The following MED27 variants were observed in gnomAD, a reference collection of about 807,000 sequenced individuals.
MED27 encodes the protein mediator complex subunit 27, also known as mediator of RNA polymerase II transcription subunit 27.
Under a neutral mutation model 38.2 loss-of-function variants are expected in MED27, and 30 were observed. The ratio of observed to expected loss-of-function variants is 0.79; its 90% CI spans 0.59 to 1.07. The LOEUF is 1.07. MED27 is among the 50% of genes least tolerant of loss of function. MED27 has a pLI of 0.00. For synonymous variants in MED27, 122 were observed against 153.5 expected (o/e 0.79, Z 1.52); for missense variants, 289 against 397.5 (o/e 0.73, Z 2.32).
At chr9:131,947,161 A>C (rs1463720097) in intron 3 of MED27, among the ~76,000 whole-genome samples, 1 of 152,190 alleles carries the variant, frequency 6.6e-6, no homozygotes, top group East Asian at 1.9e-4. Context: ...TTAGGCCATT[A>C]TAAAACAACT....
chr9:131,908,031 C>T (rs865827584), intron 4 of MED27, among the ~76,000 whole-genome samples: 140 of 151,902 alleles, frequency 9.2e-4, no homozygotes, highest in African/African-American at 3.2e-3. Flanking sequence ...GCAGCCGCCC[C>T]GTCTGAGAAG....
intron 2 of MED27, among the ~76,000 whole-genome samples, chr9:132,065,177 G>A (rs1052622740): frequency 6.6e-6 from 1 of 152,142 alleles, no homozygotes; most frequent in African/African-American, 2.4e-5. Context: ...GCATATACAC[G>A]TTCAAAATCT....
chr9:131,939,299 C>T (rs1176291364), intron 4 of MED27, 82 bp downstream of exon 4: 2 of 785,024 alleles, frequency 2.5e-6, no homozygotes, highest in South Asian at 2.2e-5. Flanking sequence ...TTCTCTAGAT[C>T]CTACAACACA....
chr9:132,059,962 G>A (rs1418046523), intron 2 of MED27, among the ~76,000 whole-genome samples: 1 of 152,102 alleles, frequency 6.6e-6, no homozygotes, highest in African/African-American at 2.4e-5. Context: ...CTAGAAGGTA[G>A]GAACCATGAT....
At chr9:132,052,036 T>C (rs146774345) in intron 2 of MED27, among the ~76,000 whole-genome samples, 1 of 152,132 alleles carries the variant, frequency 6.6e-6, no homozygotes, top group Non-Finnish European at 1.5e-5. Flanking sequence ...ACTTGCCTCA[T>C]CCAGCCCAAG....
chr9:131,966,383 C>CAAAAAAAAAAA (rs749607968), intron 3 of MED27, among the ~76,000 whole-genome samples: 1,807 of 36,650 alleles, frequency 0.049, 298 homozygotes, highest in Non-Finnish European at 0.056. Context: ...GACCCTGTCA[C>CAAAAAAAAAAA]AAAAAAAAAA....
At chr9:131,884,170 A>G (rs1018456617) in intron 5 of MED27, 71 bp from the exon 6 acceptor site, 1 of 1,213,518 alleles carries the variant, frequency 8.2e-7, no homozygotes, top group Non-Finnish European at 1.2e-6. Context: ...TAATATTGTA[A>G]CTACTGTTAA....
intron 2 of MED27, among the ~76,000 whole-genome samples, chr9:132,050,385 C>T (rs1044113092): frequency 2.0e-5 from 3 of 152,166 alleles, no homozygotes; most frequent in Non-Finnish European, 2.9e-5. Flanking sequence ...AAGGAGGACG[C>T]TTGTCCACGG....
chr9:131,900,412 T>A (rs1048997327), intron 4 of MED27, among the ~76,000 whole-genome samples: 6 of 152,246 alleles, frequency 3.9e-5, no homozygotes, highest in Admixed American at 2.6e-4. Flanking sequence ...AAGTATTTAG[T>A]TCAGCTCTGC....
chr9:131,921,285 G>A (rs78660589), intron 4 of MED27, among the ~76,000 whole-genome samples: 2,002 of 152,242 alleles, frequency 0.013, 28 homozygotes, highest in Admixed American at 0.047. Flanking sequence ...CACCCAGTCC[G>A]TCGTCAAACT....
intron 2 of MED27, among the ~76,000 whole-genome samples, chr9:132,037,085 C>T (rs1391947008): frequency 6.6e-6 from 1 of 152,138 alleles, no homozygotes; most frequent in Non-Finnish European, 1.5e-5. Context: ...AATGTTGAAG[C>T]ACTGCGCTGG....
At chr9:131,987,560 G>A (rs1831882153) in intron 3 of MED27, among the ~76,000 whole-genome samples, 1 of 152,108 alleles carries the variant, frequency 6.6e-6, no homozygotes, top group Admixed American at 6.5e-5. Context: ...ATCACACCTG[G>A]CAATGCAAGA....
At chr9:132,034,143 T>C (rs764060835) in intron 2 of MED27, among the ~76,000 whole-genome samples, 1 of 152,172 alleles carries the variant, frequency 6.6e-6, no homozygotes, top group Non-Finnish European at 1.5e-5. Flanking sequence ...TGTGGCTTAC[T>C]GCTCTCCCCC....
chr9:131,994,833 C>T (rs919119889), intron 3 of MED27, among the ~76,000 whole-genome samples: 2 of 152,172 alleles, frequency 1.3e-5, no homozygotes, highest in Admixed American at 6.5e-5. Context: ...CCAGCTCATG[C>T]CTGTGGTTGC....
chr9:132,023,311 T>C (rs887291983), intron 2 of MED27, among the ~76,000 whole-genome samples: 3 of 152,202 alleles, frequency 2.0e-5, no homozygotes, highest in African/African-American at 7.2e-5. Context: ...TAAGCATCAG[T>C]CACTCATTGC....
intron 3 of MED27, among the ~76,000 whole-genome samples, chr9:132,004,042 C>T (rs1339077346): frequency 1.3e-5 from 2 of 152,060 alleles, no homozygotes; most frequent in African/African-American, 4.8e-5. Context: ...ACCAGGACTT[C>T]CTCCTAGCTT....
chr9:131,964,475 C>A (rs1831299138), intron 3 of MED27, among the ~76,000 whole-genome samples: 1 of 148,724 alleles, frequency 6.7e-6, no homozygotes, highest in Non-Finnish European at 1.5e-5. Context: ...CTCCTTTGTG[C>A]CTTCAGTAAC....
At chr9:131,944,415 C>T (rs552726594) in intron 3 of MED27, among the ~76,000 whole-genome samples, 1 of 152,256 alleles carries the variant, frequency 6.6e-6, no homozygotes, top group Non-Finnish European at 1.5e-5. Flanking sequence ...CTACTTTAGC[C>T]TTTAGAATGA....
chr9:131,873,651 G>A (rs1838873815), intron 6 of MED27, among the ~76,000 whole-genome samples: 1 of 152,174 alleles, frequency 6.6e-6, no homozygotes, highest in Non-Finnish European at 1.5e-5. Flanking sequence ...GCTTATAACT[G>A]TCCACCAGAG....
Sources: gnomAD v4.1 joint callset for allele counts (sites outside exome capture counted in the v4.1 genomes callset) on GRCh38, gnomAD v4.1.1 for gene constraint, MANE v1.5 for transcripts, NCBI Gene and HGNC (gene_info 2026-07-23, HGNC 2026-07-21) for gene names.